The following EPHA6 variants were observed in gnomAD, a reference collection of about 807,000 sequenced individuals.
EPHA6 encodes the protein EPH receptor A6.
In EPHA6, 50 loss-of-function variants were observed where a neutral mutation model predicts 112.0. The observed-to-expected ratio is 0.45, with a 90% CI of 0.36 to 0.56. The LOEUF is 0.56. EPHA6 is among the 20% of genes least tolerant of loss of function. The pLI is 0.00. For synonymous variants in EPHA6, 529 were observed against 490.7 expected (o/e 1.08, Z -1.03); for missense variants, 1,280 against 1,417.4 (o/e 0.90, Z 1.56).
chr3:97,705,646 C>G (rs1362665443), intron 14 of EPHA6, among the ~76,000 whole-genome samples: 1 of 151,840 alleles, frequency 6.6e-6, no homozygotes. Flanking sequence ...GAAAACAGGA[C>G]AGTAGAGAAC....
chr3:96,838,636 A>G (rs976820819), intron 1 of EPHA6, among the ~76,000 whole-genome samples: 1 of 152,100 alleles, frequency 6.6e-6, no homozygotes, highest in African/African-American at 2.4e-5. Flanking sequence ...TAATATATCA[A>G]TTAAAAGGTC....
intron 4 of EPHA6, among the ~76,000 whole-genome samples, chr3:97,237,172 T>G (rs537205694): frequency 1.3e-5 from 2 of 148,168 alleles, no homozygotes; most frequent in African/African-American, 5.1e-5. Flanking sequence ...GTTTGTTTTT[T>G]TTGTTTTTGA....
intron 13 of EPHA6, among the ~76,000 whole-genome samples, chr3:97,617,458 C>T (rs1324263318): frequency 6.6e-6 from 1 of 152,024 alleles, no homozygotes; most frequent in Non-Finnish European, 1.5e-5. Context: ...GGGCTAAGTG[C>T]CTCAATTAAA....
At chr3:97,222,841 C>T (rs1284271434) in intron 3 of EPHA6, among the ~76,000 whole-genome samples, 1 of 152,156 alleles carries the variant, frequency 6.6e-6, no homozygotes, top group Non-Finnish European at 1.5e-5. Flanking sequence ...GTGCTTACAG[C>T]CATTAAACAG....
At chr3:97,492,597 G>A (rs1442179781) in intron 10 of EPHA6, among the ~76,000 whole-genome samples, 2 of 85,850 alleles carry the variant, frequency 2.3e-5, no homozygotes, top group Admixed American at 1.3e-4. Flanking sequence ...AAAAAAAACC[G>A]TGGATAATGT....
Position 97,204,838 on chromosome 3 carries a change from A to G in EPHA6, c.1115-21426A>G, listed in dbSNP as rs533805710. 2.0e-5 allele frequency among the ~76,000 whole-genome samples: 3 copies of G among 152,286 alleles called. No individual in the cohort carries two copies. The East Asian group carries it at 5.8e-4, about 29-fold the overall frequency. On this transcript the variant is annotated intron_variant, in intron 3 of 17. Transcript: ENST00000389672. ...AGTAGAGTAAGTTTCAAGTGGATTC[A>G]TTTACAACAGGCATTTTGCCTACTA...
chr3:97,029,774 C>G (rs78932537), intron 3 of EPHA6, among the ~76,000 whole-genome samples: 2,008 of 152,132 alleles, frequency 0.013, 45 homozygotes, highest in African/African-American at 0.044. Context: ...AGTTTCACTT[C>G]TTTAGTTTTG....
At chr3:96,982,840 G>A (rs1213281953) in intron 2 of EPHA6, among the ~76,000 whole-genome samples, 1 of 151,984 alleles carries the variant, frequency 6.6e-6, no homozygotes, top group African/African-American at 2.4e-5. Flanking sequence ...ATCTTTGTTT[G>A]TTTAAAGTCT....
chr3:97,232,138 G>A (rs1329744685), intron 4 of EPHA6, among the ~76,000 whole-genome samples: 1 of 152,106 alleles, frequency 6.6e-6, no homozygotes, highest in Non-Finnish European at 1.5e-5. Flanking sequence ...AACCCCAAAA[G>A]CATTTATTAG....
intron 6 of EPHA6, among the ~76,000 whole-genome samples, chr3:97,407,509 T>C (rs2087431423): frequency 6.6e-6 from 1 of 151,958 alleles, no homozygotes; most frequent in Admixed American, 6.6e-5. Context: ...TGTGTGTGTG[T>C]ATTAAGAGTG....
chr3:97,126,401 A>C (rs1371214775), intron 3 of EPHA6, among the ~76,000 whole-genome samples: 1 of 152,192 alleles, frequency 6.6e-6, no homozygotes, highest in Non-Finnish European at 1.5e-5. Flanking sequence ...CACTTTTCTG[A>C]ACAGCAGTTT....
rs10559270 is a variant in EPHA6 at position 97,754,084 on chromosome 3, CTT to C, written c.*5403_*5404del. ...AATGTATAAAAAATAACATTTATATCTTTTTTTTTTTTTTTTTTTTTGAGATG... is the reference window on the plus strand; with the variant it reads ...AATGTATAAAAAATAACATTTATATCTTTTTTTTTTTTTTTTTTTGAGATG... On this transcript the variant is annotated 3_prime_UTR_variant, in exon 18 of 18. Coordinates refer to ENST00000389672, the MANE Select transcript of EPHA6 (RefSeq NM_001080448.3). 4.0e-3 allele frequency among the ~76,000 whole-genome samples: 407 copies of C among 102,046 alleles called. 1 individual carries two copies. The highest frequency in any genetic ancestry group is 8.9e-3 in the African/African-American group (251 of 28,210). 66.9% of individuals were successfully genotyped at this position (102,046 alleles called of 152,430 possible). A position where few individuals can be genotyped will look rare whatever the true frequency, so the allele number is the denominator to read the frequency against.
intron 3 of EPHA6, among the ~76,000 whole-genome samples, chr3:97,211,245 C>A (rs1035372722): frequency 2.0e-5 from 3 of 152,126 alleles, no homozygotes; most frequent in Admixed American, 2.0e-4. Flanking sequence ...CAATCTGCCA[C>A]AGTACATTAT....
At chr3:96,817,102 C>T (rs114536416) in intron 1 of EPHA6, among the ~76,000 whole-genome samples, 2,029 of 151,978 alleles carry the variant, frequency 0.013, 45 homozygotes, top group African/African-American at 0.044. Flanking sequence ...CATAAGAGTA[C>T]AGTGGGCAAA....
Position 96,871,839 on chromosome 3 carries a change from A to G in EPHA6, c.450+4950A>G, listed in dbSNP as rs57328331. On this transcript the variant is annotated intron_variant, in intron 2 of 17. Coordinates refer to ENST00000389672, the MANE Select transcript of EPHA6 (RefSeq NM_001080448.3). ...TATTAAGTTAGCTTCATAACCAAGAATTGCCAAAGCAAATATGGGCAGTAA... is the reference window on the plus strand; with the variant it reads ...TATTAAGTTAGCTTCATAACCAAGAGTTGCCAAAGCAAATATGGGCAGTAA... 2.0e-3 allele frequency among the ~76,000 whole-genome samples: 303 copies of G among 152,200 alleles called. 2 individuals carry two copies. The highest frequency in any genetic ancestry group is 6.9e-3 in the African/African-American group (287 of 41,558).
At chr3:96,930,992 CAAAAAAA>C (rs754917681) in intron 2 of EPHA6, among the ~76,000 whole-genome samples, 10,428 of 34,718 alleles carry the variant, frequency 0.3, 948 homozygotes, top group Admixed American at 0.5. Context: ...ACTCTGTCTC[CAAAAAAA>C]AAAAAAAAAA....
chr3:96,944,618 G>A (rs1040124331), intron 2 of EPHA6, among the ~76,000 whole-genome samples: 1 of 152,090 alleles, frequency 6.6e-6, no homozygotes, highest in Non-Finnish European at 1.5e-5. Flanking sequence ...CAGCACTTTG[G>A]GTGGCCAAGG....
Position 97,475,339 on chromosome 3 carries a change from A to G in EPHA6, c.1895-13A>G. ...TCACCCAGGGAAATTTTAATATTGTATCTCTGTTTCAGCTTCTGACATGGC... is the reference window on the plus strand; with the variant it reads ...TCACCCAGGGAAATTTTAATATTGTGTCTCTGTTTCAGCTTCTGACATGGC... On this transcript the variant is annotated splice_polypyrimidine_tract_variant and intron_variant, in intron 7 of 17. Coordinates refer to ENST00000389672, the MANE Select transcript of EPHA6 (RefSeq NM_001080448.3). 3 of 1,594,024 alleles carry G rather than the reference A, an allele frequency of 1.9e-6. No individual in the cohort carries two copies. The South Asian group carries it at 3.4e-5, about 18-fold the overall frequency.
In EPHA6 at chr3:97,306,293, CTT is replaced by C. The variant is rs5851061; in HGVS notation, c.1606+62025_1606+62026del. 6.8e-3 allele frequency among the ~76,000 whole-genome samples: 848 copies of C among 124,764 alleles called. 11 individuals carry two copies. The highest frequency in any genetic ancestry group is 0.021 in the African/African-American group (736 of 35,432). 81.9% of individuals were successfully genotyped at this position (124,764 alleles called of 152,430 possible). On this transcript the variant is annotated intron_variant, in intron 5 of 17. Coordinates refer to ENST00000389672, the MANE Select transcript of EPHA6 (RefSeq NM_001080448.3). ...ATGTAATCAACTATGTCAGGGCCCTCTTTTTTTTTTTTTTTTTTTTAAAGTGT... is the reference window on the plus strand; with the variant it reads ...ATGTAATCAACTATGTCAGGGCCCTCTTTTTTTTTTTTTTTTTTAAAGTGT...
Sources: gnomAD v4.1 joint callset for allele counts (sites outside exome capture counted in the v4.1 genomes callset) on GRCh38, gnomAD v4.1.1 for gene constraint, MANE v1.5 for transcripts, NCBI Gene and HGNC (gene_info 2026-07-23, HGNC 2026-07-21) for gene names.